Variants in RIT2 observed in about 807,000 individuals in gnomAD.
RIT2 encodes the protein Ras like without CAAX 2.
A neutral mutation model predicts 23.7 loss-of-function variants in RIT2; 24 were observed. The ratio of observed to expected loss-of-function variants is 1.01; its 90% CI spans 0.73 to 1.43. The LOEUF (loss-of-function observed/expected upper bound fraction) is 1.43. Ranked by LOEUF, RIT2 falls within the 40% of genes most tolerant of loss-of-function variation. The pLI, the probability that RIT2 is intolerant of heterozygous loss-of-function variation, is 0.00. For missense variants in RIT2, 236 were observed against 266.9 expected, an observed-to-expected ratio of 0.88 and a Z score of 0.81; for synonymous variants, 107 against 91.1, an observed-to-expected ratio of 1.17 and a Z score of -0.99.
chr18:42,929,066 A>ATATATATATATAT (rs1568032674), intron 3 of RIT2, among the ~76,000 whole-genome samples: 2 of 43,346 alleles, frequency 4.6e-5, no homozygotes, highest in African/African-American at 1.4e-4. Flanking sequence ...TATTTATATG[A>ATATATATATATAT]GACAAATAAA....
intron 1 of RIT2, among the ~76,000 whole-genome samples, chr18:43,086,885 C>A (rs557272650): frequency 6.6e-6 from 1 of 152,282 alleles, no homozygotes; most frequent in East Asian, 1.9e-4. Flanking sequence ...GAGCTCAAAT[C>A]TTCCTGCAGG....
intron 4 of RIT2, among the ~76,000 whole-genome samples, chr18:42,749,782 C>G (rs1913003601): frequency 6.6e-6 from 1 of 151,752 alleles, no homozygotes. Context: ...TCTATATTGT[C>G]CTAAACATTA....
At chr18:43,112,404 G>A (rs1005077962) in intron 1 of RIT2, among the ~76,000 whole-genome samples, 2 of 152,192 alleles carry the variant, frequency 1.3e-5, no homozygotes, top group Non-Finnish European at 2.9e-5. Flanking sequence ...CTTCATAAAT[G>A]TTTACGTCCT....
At chr18:43,061,717 C>T (rs1179863382) in intron 1 of RIT2, among the ~76,000 whole-genome samples, 1 of 152,096 alleles carries the variant, frequency 6.6e-6, no homozygotes, top group Admixed American at 6.6e-5. Context: ...CTCATAAAAA[C>T]CCCCTACTCA....
At position 43,055,690 on chromosome 18, in the gene RIT2, C is replaced by A. The variant is rs1912485151; in HGVS notation, c.104-21823G>T. Among the ~76,000 whole-genome samples the A allele has an allele frequency of 5.3e-5, 8 of 152,062 alleles. No individual in the cohort carries two copies. The South Asian group carries it at 1.5e-3, about 28-fold the overall frequency. ...TAAAATATAACACAAAGATAAAATC[C>A]ACAGGTGTAACTTTAAATAAATGAC... On this transcript the variant is annotated intron_variant, in intron 1 of 4. Coordinates refer to ENST00000326695, the MANE Select transcript of RIT2 (RefSeq NM_002930.4).
intron 4 of RIT2, among the ~76,000 whole-genome samples, chr18:42,884,568 C>T (rs1907973751): frequency 6.6e-6 from 1 of 152,164 alleles, no homozygotes; most frequent in Admixed American, 6.5e-5. Flanking sequence ...ATTCATTCCC[C>T]AGTACCACTT....
chr18:42,833,632 T>C (rs967863913), intron 4 of RIT2, among the ~76,000 whole-genome samples: 7 of 152,140 alleles, frequency 4.6e-5, no homozygotes, highest in Admixed American at 2.0e-4. Flanking sequence ...ACTTCAAAGT[T>C]ACAGATGGAC....
intron 1 of RIT2, among the ~76,000 whole-genome samples, chr18:43,087,574 A>G (rs993706670): frequency 2.6e-5 from 4 of 152,174 alleles, no homozygotes; most frequent in African/African-American, 9.7e-5. Context: ...CTCTGGTCCT[A>G]CAGTATCTGT....
chr18:42,916,854 A>G (rs1908923499), intron 4 of RIT2, among the ~76,000 whole-genome samples: 1 of 152,166 alleles, frequency 6.6e-6, no homozygotes, highest in South Asian at 2.1e-4. Context: ...TTAGGAATCA[A>G]CATTTCTGAA....
intron 4 of RIT2, among the ~76,000 whole-genome samples, chr18:42,818,055 A>G (rs1318854119): frequency 2.0e-5 from 3 of 152,050 alleles, no homozygotes; most frequent in East Asian, 1.9e-4. Context: ...TTTTGATTTT[A>G]TAAGATGAAT....
chr18:42,951,099 A>G (rs1909841451), intron 3 of RIT2, among the ~76,000 whole-genome samples: 1 of 152,104 alleles, frequency 6.6e-6, no homozygotes, highest in Non-Finnish European at 1.5e-5. Context: ...TCTTTCTACC[A>G]AAAAGACACA....
intron 1 of RIT2, among the ~76,000 whole-genome samples, chr18:43,085,198 T>C (rs1913253814): frequency 1.3e-5 from 2 of 151,992 alleles, no homozygotes; most frequent in Non-Finnish European, 2.9e-5. Context: ...TAAAAGTATT[T>C]ATTAATGTAT....
intron 3 of RIT2, among the ~76,000 whole-genome samples, chr18:42,970,048 T>A (rs1910326107): frequency 6.6e-6 from 1 of 151,982 alleles, no homozygotes; most frequent in Non-Finnish European, 1.5e-5. Flanking sequence ...ATAAAAAAAG[T>A]GAAATAAGAA....
intron 1 of RIT2, among the ~76,000 whole-genome samples, chr18:43,098,122 A>G (rs9949064): frequency 0.21 from 32,086 of 151,858 alleles, 3,569 homozygotes; most frequent in Non-Finnish European, 0.22. Flanking sequence ...ATTGAACAAA[A>G]TACTGAAGCT....
At chr18:43,051,382 C>T (rs1308665114) in intron 1 of RIT2, among the ~76,000 whole-genome samples, 5 of 151,672 alleles carry the variant, frequency 3.3e-5, no homozygotes, top group Admixed American at 1.3e-4. Context: ...GGAGACTGAT[C>T]GAATAGATGA....
intron 4 of RIT2, among the ~76,000 whole-genome samples, chr18:42,905,997 TATATATATAC>T: frequency 7.1e-4 from 1 of 1,406 alleles, no homozygotes; most frequent in East Asian, 0.042. Context: ...TATATGTATA[TATATATATAC>T]ATATATATAT....
intron 4 of RIT2, among the ~76,000 whole-genome samples, chr18:42,858,974 T>G (rs1020412460): frequency 6.6e-6 from 1 of 152,244 alleles, no homozygotes; most frequent in African/African-American, 2.4e-5. Context: ...ATTTTGGTTG[T>G]GTTCACTTTT....
intron 1 of RIT2, among the ~76,000 whole-genome samples, chr18:43,039,316 A>G (rs1001296866): frequency 1.2e-4 from 18 of 150,480 alleles, no homozygotes; most frequent in African/African-American, 4.2e-4. Flanking sequence ...TTGTAATGGC[A>G]CCAGAATTTC....
chr18:42,878,816 G>A (rs1329989090), intron 4 of RIT2, among the ~76,000 whole-genome samples: 1 of 151,692 alleles, frequency 6.6e-6, no homozygotes, highest in African/African-American at 2.4e-5. Flanking sequence ...TGAGAATTCA[G>A]CTTTCTGTAC....
Sources: allele counts gnomAD v4.1 joint callset (sites outside exome capture counted in the v4.1 genomes callset), GRCh38; gene constraint gnomAD v4.1.1; transcripts MANE v1.5; gene names NCBI Gene and HGNC (gene_info 2026-07-23, HGNC 2026-07-21).